The following ADAMTSL1 variants were observed in gnomAD, a reference collection of about 807,000 sequenced individuals.
ADAMTSL1 encodes the protein ADAMTS like 1.
Under a neutral mutation model 201.8 loss-of-function variants are expected in ADAMTSL1, and 126 were observed. That is an observed-to-expected ratio of 0.62 (90% CI 0.54 to 0.72). The LOEUF (loss-of-function observed/expected upper bound fraction) is 0.72. Among genes scored for constraint, ADAMTSL1 ranks in the 30% least tolerant of loss-of-function variants. The pLI, the probability that ADAMTSL1 is intolerant of heterozygous loss-of-function variation, is 0.00. For missense variants in ADAMTSL1, 2,679 were observed against 2,277.8 expected (o/e 1.18, Z -3.59); for synonymous variants, 1,121 against 903.4 (o/e 1.24, Z -4.32).
intron 21 of ADAMTSL1, 164 bp from the exon 22 acceptor site, chr9:18,826,120 T>C (rs1379523065): frequency 1.3e-6 from 1 of 756,220 alleles, no homozygotes; most frequent in Non-Finnish European, 2.2e-6. Context: ...ATCCTTATCC[T>C]ACCAGGCTCT....
intron 20 of ADAMTSL1, among the ~76,000 whole-genome samples, chr9:18,812,356 T>G (rs1413253579): frequency 1.3e-5 from 2 of 152,282 alleles, no homozygotes; most frequent in East Asian, 3.9e-4. Context: ...GAGAGAGCAA[T>G]TAGACATCCA....
intron 2 of ADAMTSL1, among the ~76,000 whole-genome samples, chr9:18,462,313 C>T (rs752229437): frequency 6.6e-6 from 1 of 152,090 alleles, no homozygotes; most frequent in African/African-American, 2.4e-5. Context: ...ATTCCTTCAA[C>T]GAATACTTGA....
At chr9:18,807,073 G>T (rs4977448) in intron 20 of ADAMTSL1, among the ~76,000 whole-genome samples, 45,888 of 151,982 alleles carry the variant, frequency 0.3, 7,353 homozygotes, top group East Asian at 0.48. Context: ...TAATGCTTCT[G>T]TTTCTGTGTC....
chr9:18,784,065 T>C (rs946836801), intron 19 of ADAMTSL1, among the ~76,000 whole-genome samples: 5 of 152,204 alleles, frequency 3.3e-5, no homozygotes, highest in Non-Finnish European at 5.9e-5. Flanking sequence ...CTTGACCTCA[T>C]AGAACTGAGC....
chr9:18,474,071 C>A, upstream of ADAMTSL1: 4 of 547,334 alleles, frequency 7.3e-6, no homozygotes, highest in Non-Finnish European at 9.8e-6. Flanking sequence ...TTACCCCCCA[C>A]CCATCCACCC....
chr9:18,777,302 G>T lies in ADAMTSL1; in HGVS notation c.3073G>T (p.Val1025Phe). ...CCCGGGGAGCCGCTACGACGACCTC[G>T]TCTCCCGGCTGCTGGAGCAGGGCGG... ...ANPGSRYDDL[V>F]SRLLEQGGWP... The change falls in exon 19 of 29, where the codon GTC (valine) becomes TTC (phenylalanine). Residue 1025 changes from valine to phenylalanine, a missense_variant. Transcript: ENST00000380548. 6.2e-7 allele frequency: 1 copy of T among 1,604,446 alleles called. No individual in the cohort carries two copies. Among genetic ancestry groups the T allele is most frequent in the Non-Finnish European group, 8.5e-7 (1 of 1,175,724 alleles).
At chr9:18,132,307 AT>A (rs990399519) in intron 1 of ADAMTSL1, among the ~76,000 whole-genome samples, 1 of 151,914 alleles carries the variant, frequency 6.6e-6, no homozygotes, top group African/African-American at 2.4e-5. Context: ...TCGTGTGTAT[AT>A]TTTTTCCCGT....
chr9:18,851,175 T>C (rs966212858), intron 23 of ADAMTSL1, among the ~76,000 whole-genome samples: 2 of 152,128 alleles, frequency 1.3e-5, no homozygotes, highest in Non-Finnish European at 2.9e-5. Flanking sequence ...TTTCATTCTA[T>C]GCCAAGCTCT....
intron 20 of ADAMTSL1, among the ~76,000 whole-genome samples, chr9:18,807,576 G>T (rs1823228662): frequency 6.6e-6 from 1 of 151,584 alleles, no homozygotes; most frequent in South Asian, 2.1e-4. Context: ...AACCCGGGAG[G>T]CGGAGCTTGC....
chr9:18,381,557 C>T (rs1190392489), intron 2 of ADAMTSL1, among the ~76,000 whole-genome samples: 1 of 152,070 alleles, frequency 6.6e-6, no homozygotes, highest in Non-Finnish European at 1.5e-5. Context: ...TCCCACATTG[C>T]TGGTTGAGAT....
intron 1 of ADAMTSL1, among the ~76,000 whole-genome samples, chr9:18,018,019 T>TA (rs1484836770): frequency 1.3e-5 from 2 of 152,094 alleles, no homozygotes; most frequent in African/African-American, 4.8e-5. Flanking sequence ...TAACTGCAGC[T>TA]AGTGACCTCT....
At position 18,431,173 on chromosome 9, in the gene ADAMTSL1, A is replaced by C. The variant is rs866487641; in HGVS notation, c.208-73656A>C. Among the ~76,000 whole-genome samples the C allele has an allele frequency of 5.3e-5, 8 of 152,330 alleles. No homozygotes were observed. The Middle Eastern group carries it at 0.01, about 194-fold the overall frequency. On this transcript the variant is annotated intron_variant, in intron 2 of 29. Transcript: ENST00000680146. ...AATATCCACAAAGTAGATTTCATTC[A>C]AGACAGACCTAGGGGACCAGCTCAG...
intron 2 of ADAMTSL1, among the ~76,000 whole-genome samples, chr9:18,225,071 C>A (rs1243925592): frequency 6.6e-6 from 1 of 152,054 alleles, no homozygotes; most frequent in East Asian, 1.9e-4. Flanking sequence ...GATAAAATAA[C>A]CAGACAAGTA....
intron 2 of ADAMTSL1, among the ~76,000 whole-genome samples, chr9:18,520,369 A>G (rs1818620439): frequency 6.6e-6 from 1 of 152,230 alleles, no homozygotes; most frequent in Admixed American, 6.5e-5. Flanking sequence ...ATATACATAA[A>G]TCAGTGTTTC....
intron 3 of ADAMTSL1, among the ~76,000 whole-genome samples, chr9:18,569,913 A>G (rs1822185729): frequency 6.6e-6 from 1 of 152,208 alleles, no homozygotes. Flanking sequence ...TTCTACATTC[A>G]GTATTCCTTA....
intron 2 of ADAMTSL1, among the ~76,000 whole-genome samples, chr9:18,169,397 T>G (rs186898486): frequency 0.039 from 5,893 of 152,146 alleles, 161 homozygotes; most frequent in Non-Finnish European, 0.063. Flanking sequence ...TTTCCCCATT[T>G]CTTGTTTTTG....
chr9:18,059,980 A>G, intron 1 of ADAMTSL1, among the ~76,000 whole-genome samples: 1 of 152,178 alleles, frequency 6.6e-6, no homozygotes, highest in East Asian at 1.9e-4. Context: ...ACAGTCACAT[A>G]GTGTAAAATT....
intron 2 of ADAMTSL1, among the ~76,000 whole-genome samples, chr9:18,230,194 C>A (rs1587359125): frequency 6.6e-6 from 1 of 152,112 alleles, no homozygotes; most frequent in East Asian, 1.9e-4. Flanking sequence ...TTTGTAGATG[C>A]TATCCATACC....
At chr9:18,311,739 C>G (rs960437151) in intron 2 of ADAMTSL1, among the ~76,000 whole-genome samples, 1 of 152,166 alleles carries the variant, frequency 6.6e-6, no homozygotes, top group Admixed American at 6.5e-5. Flanking sequence ...GGCAGTCAGT[C>G]TCTGCCTTCA....
Sources: allele counts gnomAD v4.1 joint callset (sites outside exome capture counted in the v4.1 genomes callset), GRCh38; gene constraint gnomAD v4.1.1; transcripts MANE v1.5; gene names NCBI Gene and HGNC (gene_info 2026-07-23, HGNC 2026-07-21).